LUC7L2: variants seen among roughly 807,000 people sequenced by gnomAD.
The protein encoded by LUC7L2 is LUC7 like 2, pre-mRNA splicing factor.
Under a neutral mutation model 52.8 loss-of-function variants are expected in LUC7L2, and 25 were observed. The ratio of observed to expected loss-of-function variants is 0.47; its 90% CI spans 0.34 to 0.66. LUC7L2 has a LOEUF of 0.66. Among genes scored for constraint, LUC7L2 ranks in the 30% least tolerant of loss-of-function variants. The pLI is 0.01. For missense variants in LUC7L2, 328 were observed against 497.8 expected (o/e 0.66, Z 3.25); for synonymous variants, 144 against 160.9 (o/e 0.89, Z 0.80).
rs1209226457 is a variant in LUC7L2, at chr7:139,376,160, T to G, written c.156+4T>G. Reference sequence around the variant, plus strand: ...TCATGATGTCCTTTCTGGAACTGTATGTATTTACTAAATGTATTGTTAGAT... The same window carrying G: ...TCATGATGTCCTTTCTGGAACTGTAGGTATTTACTAAATGTATTGTTAGAT... On this transcript the variant is annotated splice_donor_region_variant and intron_variant, in intron 2 of 9. Coordinates refer to ENST00000354926, the MANE Select transcript of LUC7L2 (RefSeq NM_016019.5). 5 of 1,613,408 alleles carry G rather than the reference T, an allele frequency of 3.1e-6. No homozygotes were observed. The African/African-American group carries it at 6.7e-5, about 22-fold the overall frequency.
intron 1 of LUC7L2, among the ~76,000 whole-genome samples, chr7:139,354,433 C>A (rs1190214219): frequency 6.6e-6 from 1 of 152,176 alleles, no homozygotes; most frequent in African/African-American, 2.4e-5. Flanking sequence ...ACGATCTTGG[C>A]TCATTGCAAC....
At position 139,387,419 on chromosome 7, in the gene LUC7L2, T is replaced by TCCTGCTCACC. The variant is rs1227014565; in HGVS notation, c.157-11179_157-11170dup. On this transcript the variant is annotated intron_variant, in intron 2 of 9. Transcript: ENST00000354926. ...CATGTTGGCCAGGCTGGTCTTGAACTCCTGCTCACCTTGGCCTTCCAAAGT... is the reference window on the plus strand; with the variant it reads ...CATGTTGGCCAGGCTGGTCTTGAACTCCTGCTCACCCCTGCTCACCTTGGCCTTCCAAAGT... Among the ~76,000 whole-genome samples, 162 of 152,038 alleles carry TCCTGCTCACC rather than the reference T, an allele frequency of 1.1e-3. 4 individuals carry two copies. The highest frequency in any genetic ancestry group is 3.7e-3 in the African/African-American group (153 of 41,474).
upstream of LUC7L2, among the ~76,000 whole-genome samples, chr7:139,357,507 T>G (rs1308380739): frequency 6.6e-6 from 1 of 152,178 alleles, no homozygotes. Context: ...ACACTGTTTT[T>G]CAGGGTCAGA....
At chr7:139,372,498 A>G (rs1007418905) in intron 1 of LUC7L2, among the ~76,000 whole-genome samples, 3 of 151,104 alleles carry the variant, frequency 2.0e-5, no homozygotes, top group Non-Finnish European at 4.4e-5. Flanking sequence ...CTTTCCTTCA[A>G]ATTTTGGCTA....
chr7:139,354,859 CTTT>C (rs35111843), intron 1 of LUC7L2, among the ~76,000 whole-genome samples: 9 of 142,388 alleles, frequency 6.3e-5, no homozygotes, highest in Non-Finnish European at 9.2e-5. Flanking sequence ...TCTTGCTGGA[CTTT>C]TTTTTTTTTT....
At chr7:139,407,149 CAT>C in intron 5 of LUC7L2, 23 bp from the exon 6 acceptor site, 1 of 1,594,800 alleles carries the variant, frequency 6.3e-7, no homozygotes, top group Non-Finnish European at 8.6e-7. Flanking sequence ...TTTATATGGT[CAT>C]TGTTTTTCTC....
At chr7:139,383,283 T>A (rs1442312379) in intron 2 of LUC7L2, among the ~76,000 whole-genome samples, 3 of 151,472 alleles carry the variant, frequency 2.0e-5, no homozygotes, top group African/African-American at 7.3e-5. Context: ...ACCTGGCTAA[T>A]TTTTTTTGTA....
chr7:139,360,692 A>G (rs541759919), intron 1 of LUC7L2, among the ~76,000 whole-genome samples: 11 of 152,168 alleles, frequency 7.2e-5, no homozygotes, highest in Non-Finnish European at 1.5e-4. Context: ...CCCCCGATAT[A>G]ATTCCTTAAC....
intron 7 of LUC7L2, 120 bp from the exon 8 acceptor site, chr7:139,412,431 A>G: frequency 2.4e-6 from 3 of 1,250,704 alleles, no homozygotes; most frequent in Non-Finnish European, 3.2e-6. Context: ...GTGCGTAGGT[A>G]CACGCCTTGT....
chr7:139,350,342 C>T (rs1030896137), intron 1 of LUC7L2, among the ~76,000 whole-genome samples: 10 of 152,088 alleles, frequency 6.6e-5, no homozygotes, highest in Non-Finnish European at 1.0e-4. Flanking sequence ...AGGATGGTCT[C>T]CATCTCCTGA....
intron 8 of LUC7L2, 152 bp downstream of exon 8, chr7:139,412,732 G>A: frequency 1.1e-6 from 1 of 882,778 alleles, no homozygotes; most frequent in Non-Finnish European, 1.6e-6. Context: ...AGAGGCTGAG[G>A]CAGAATTGCT....
chr7:139,373,904 A>AT (rs1037888868), intron 1 of LUC7L2, among the ~76,000 whole-genome samples: 6 of 152,132 alleles, frequency 3.9e-5, no homozygotes, highest in African/African-American at 9.7e-5. Flanking sequence ...TACATAAGGG[A>AT]TTTTTTTGTT....
chr7:139,357,175 C>T (rs1264801087), upstream of LUC7L2, among the ~76,000 whole-genome samples: 6 of 151,888 alleles, frequency 4.0e-5, no homozygotes, highest in East Asian at 1.2e-3. Context: ...TTCCACACTA[C>T]TAGAGTGGAA....
In LUC7L2 at chr7:139,412,187, A is replaced by ATCATTTGCAT. The variant is rs760935154; in HGVS notation, c.780-364_780-363insTCATTTGCAT. 2.7e-4 allele frequency among the ~76,000 whole-genome samples: 41 copies of ATCATTTGCAT among 151,674 alleles called. 1 individual carries two copies. The highest frequency in any genetic ancestry group is 4.4e-4 in the Non-Finnish European group (30 of 67,896). ...GATCATTTGCATCCAGGAGTTCAAG[A>ATCATTTGCAT]CCACCCTAGGCAACAAAAAATGTAA... On this transcript the variant is annotated intron_variant, in intron 7 of 9. Coordinates refer to ENST00000354926, the MANE Select transcript of LUC7L2 (RefSeq NM_016019.5).
chr7:139,358,629 TAC>T (rs752563145), upstream of LUC7L2, among the ~76,000 whole-genome samples: 72 of 152,354 alleles, frequency 4.7e-4, no homozygotes, highest in Non-Finnish European at 7.2e-4. Context: ...TCATTTTTCT[TAC>T]AGTTTTAGAT....
At chr7:139,408,577 C>T (rs1320177540) in intron 6 of LUC7L2, among the ~76,000 whole-genome samples, 1 of 152,178 alleles carries the variant, frequency 6.6e-6, no homozygotes, top group African/African-American at 2.4e-5. Flanking sequence ...GGCGCAGTGG[C>T]TCACGCCTGT....
intron 8 of LUC7L2, among the ~76,000 whole-genome samples, chr7:139,413,651 G>A (rs1569394876): frequency 6.6e-6 from 1 of 152,160 alleles, no homozygotes; most frequent in African/African-American, 2.4e-5. Context: ...GGTGGCAGGT[G>A]CCTGTAATCC....
At chr7:139,363,221 G>A in intron 1 of LUC7L2, 1 of 985,374 alleles carries the variant, frequency 1.0e-6, no homozygotes, top group Non-Finnish European at 1.2e-6. Context: ...AAATCGTGCC[G>A]ATGCCTGGCA....
At chr7:139,347,654 A>G (rs1407614940) in intron 1 of LUC7L2, among the ~76,000 whole-genome samples, 1 of 152,094 alleles carries the variant, frequency 6.6e-6, no homozygotes, top group African/African-American at 2.4e-5. Context: ...AATAGTATTA[A>G]TAGGTCAAAC....
Sources: gnomAD v4.1 joint callset for allele counts (sites outside exome capture counted in the v4.1 genomes callset) on GRCh38, gnomAD v4.1.1 for gene constraint, MANE v1.5 for transcripts, NCBI Gene and HGNC (gene_info 2026-07-23, HGNC 2026-07-21) for gene names.